Variants in BMPR1B observed in about 807,000 individuals in gnomAD.
BMPR1B encodes the protein bone morphogenetic protein receptor type-1B.
In BMPR1B, 12 loss-of-function variants were observed where a neutral mutation model predicts 59.1. That is an observed-to-expected ratio of 0.20 (90% confidence interval 0.13 to 0.33). BMPR1B has a LOEUF of 0.33. Among genes scored for constraint, BMPR1B ranks in the 10% least tolerant of loss-of-function variants. The pLI is 1.00. For missense variants in BMPR1B, 550 were observed against 610.9 expected, an observed-to-expected ratio of 0.90 and a Z score of 1.05; for synonymous variants, 237 against 207.3, an observed-to-expected ratio of 1.14 and a Z score of -1.23.
At chr4:95,117,882 T>G (rs952474915) in intron 6 of BMPR1B, among the ~76,000 whole-genome samples, 1 of 152,038 alleles carries the variant, frequency 6.6e-6, no homozygotes, top group Non-Finnish European at 1.5e-5. Context: ...CTGAGGAGGA[T>G]GTAGGAATTT....
chr4:95,020,870 C>A (rs890075743), intron 3 of BMPR1B, among the ~76,000 whole-genome samples: 5 of 152,086 alleles, frequency 3.3e-5, no homozygotes, highest in Non-Finnish European at 1.5e-5. Context: ...ACCATCATAA[C>A]CATCTAATGT....
chr4:95,085,057 A>G (rs562396970), intron 3 of BMPR1B, among the ~76,000 whole-genome samples: 24 of 152,214 alleles, frequency 1.6e-4, no homozygotes, highest in Non-Finnish European at 2.8e-4. Flanking sequence ...AAGCACAGGC[A>G]TCTCAGGTTT....
chr4:94,942,534 C>G (rs905204902), intron 2 of BMPR1B, among the ~76,000 whole-genome samples: 10 of 152,082 alleles, frequency 6.6e-5, no homozygotes, highest in African/African-American at 2.4e-4. Flanking sequence ...TCTTAATAGG[C>G]AGCAAATTAA....
chr4:95,089,978 A>T (rs997041451), intron 3 of BMPR1B, among the ~76,000 whole-genome samples: 1 of 152,062 alleles, frequency 6.6e-6, no homozygotes, highest in East Asian at 1.9e-4. Flanking sequence ...CTTACAGCAC[A>T]CTTCTTGAAT....
chr4:95,109,817 G>A lies in BMPR1B; in HGVS notation c.144-4903G>A, dbSNP rs967048932. ...GTTGGTGTGCTGCACCCATTAACTC[G>A]TCATTTAGCATTAGGTGTATCTCCT... On this transcript the variant is annotated intron_variant, in intron 4 of 12. Transcript: ENST00000515059. Among the ~76,000 whole-genome samples the A allele has an allele frequency of 6.0e-5, 9 of 150,558 alleles. No individual in the cohort carries two copies. In the East Asian group the frequency reaches 7.9e-4, roughly 13 times the overall value.
At chr4:94,764,196 G>A (rs1316984015) in intron 1 of BMPR1B, among the ~76,000 whole-genome samples, 1 of 152,094 alleles carries the variant, frequency 6.6e-6, no homozygotes, top group African/African-American at 2.4e-5. Context: ...ACCTCATGCT[G>A]TCTGCAGGGA....
At chr4:94,958,850 G>A (rs1436033943) in intron 2 of BMPR1B, among the ~76,000 whole-genome samples, 3 of 152,100 alleles carry the variant, frequency 2.0e-5, no homozygotes, top group African/African-American at 7.2e-5. Flanking sequence ...GTGGTCAGGG[G>A]CTCATATGAG....
At position 94,934,398 on chromosome 4, in the gene BMPR1B, C is replaced by T. The variant is rs539501853; in HGVS notation, c.-113+58498C>T. ...TTTTTATGTATACACCAATCTACCG[C>T]TGACTCACGTGCATGTTTCTGCCTT... On this transcript the variant is annotated intron_variant, in intron 2 of 12. Transcript: ENST00000515059. Among the ~76,000 whole-genome samples the T allele has an allele frequency of 7.3e-5, 11 of 150,622 alleles. No individual in the cohort carries two copies. In the South Asian group the frequency reaches 2.3e-3, roughly 32 times the overall value.
chr4:94,932,061 T>G (rs928377077), intron 2 of BMPR1B, among the ~76,000 whole-genome samples: 1 of 152,170 alleles, frequency 6.6e-6, no homozygotes, highest in African/African-American at 2.4e-5. Context: ...CAGAATTTTA[T>G]AGATTTTGGC....
chr4:94,985,526 TG>T (rs1721346352), intron 2 of BMPR1B, among the ~76,000 whole-genome samples: 2 of 135,750 alleles, frequency 1.5e-5, no homozygotes, highest in Admixed American at 7.5e-5. Flanking sequence ...TGTGTGTGTG[TG>T]TGTGTGTGTG....
intron 1 of BMPR1B, among the ~76,000 whole-genome samples, chr4:94,866,994 C>T (rs1036922049): frequency 6.6e-6 from 1 of 152,196 alleles, no homozygotes; most frequent in Non-Finnish European, 1.5e-5. Context: ...TGGCCTATCT[C>T]CTGTATCCAG....
At chr4:95,092,187 A>T (rs1349283620) in intron 3 of BMPR1B, among the ~76,000 whole-genome samples, 1 of 152,150 alleles carries the variant, frequency 6.6e-6, no homozygotes, top group Non-Finnish European at 1.5e-5. Flanking sequence ...ATGTTTCAAA[A>T]ATATAGTTGC....
chr4:94,761,919 A>G (rs1370054530), intron 1 of BMPR1B, among the ~76,000 whole-genome samples: 2 of 152,214 alleles, frequency 1.3e-5, no homozygotes, highest in Non-Finnish European at 2.9e-5. Context: ...AGAAAGGTAG[A>G]TTAAAAAGTC....
chr4:94,858,674 A>G (rs886326431), intron 1 of BMPR1B, among the ~76,000 whole-genome samples: 1 of 152,224 alleles, frequency 6.6e-6, no homozygotes, highest in African/African-American at 2.4e-5. Flanking sequence ...TCAAAGTTTG[A>G]ATACAACTCT....
At chr4:95,151,310 TA>T (rs1735024966) in intron 11 of BMPR1B, among the ~76,000 whole-genome samples, 1 of 152,180 alleles carries the variant, frequency 6.6e-6, no homozygotes, top group South Asian at 2.1e-4. Context: ...TAGATACACC[TA>T]CCCCACCCCA....
chr4:94,867,561 G>A (rs999197852), intron 1 of BMPR1B, among the ~76,000 whole-genome samples: 2 of 152,084 alleles, frequency 1.3e-5, no homozygotes, highest in Non-Finnish European at 2.9e-5. Flanking sequence ...CCTTGGAATA[G>A]CCTTAGTTTA....
chr4:94,784,172 T>G (rs1176329524), intron 1 of BMPR1B, among the ~76,000 whole-genome samples: 3 of 152,180 alleles, frequency 2.0e-5, no homozygotes, highest in Non-Finnish European at 2.9e-5. Context: ...AGAGGGTAGG[T>G]CTGTGGAGCT....
At chr4:94,823,405 A>G (rs1724272380) in intron 1 of BMPR1B, among the ~76,000 whole-genome samples, 1 of 152,144 alleles carries the variant, frequency 6.6e-6, no homozygotes, top group Non-Finnish European at 1.5e-5. Flanking sequence ...GTGGGTGGAT[A>G]TGTATGAGTT....
At chr4:95,011,372 A>G (rs973887) in intron 3 of BMPR1B, among the ~76,000 whole-genome samples, 145,304 of 152,258 alleles carry the variant, frequency 0.95, 69,367 homozygotes, top group Middle Eastern at 0.99. Context: ...AGCCAGAGGT[A>G]GGCAATCAGG....
Sources: allele counts gnomAD v4.1 joint callset (sites outside exome capture counted in the v4.1 genomes callset), GRCh38; gene constraint gnomAD v4.1.1; transcripts MANE v1.5; gene names NCBI Gene and HGNC (gene_info 2026-07-23, HGNC 2026-07-21).